The following MCIDAS variants were observed in gnomAD, a reference collection of about 807,000 sequenced individuals.
MCIDAS encodes the protein multicilin.
A neutral mutation model predicts 35.4 loss-of-function variants in MCIDAS; 23 were observed. That is an observed-to-expected ratio of 0.65 (90% confidence interval 0.47 to 0.92). The LOEUF is 0.92. MCIDAS is among the 40% of genes least tolerant of loss of function. The pLI is 0.00. For missense variants in MCIDAS, 480 were observed against 531.8 expected, an observed-to-expected ratio of 0.90 and a Z score of 0.96; for synonymous variants, 228 against 235.2, an observed-to-expected ratio of 0.97 and a Z score of 0.28.
In MCIDAS at chr5:55,220,661, G is replaced by C; in HGVS notation, c.863C>G (p.Ser288Cys). Residue 288 changes from serine to cysteine, a missense_variant, in exon 7 of 7, where the codon TCC becomes TGC. By Grantham distance (112) the Ser-to-Cys change is moderately radical. Transcript: ENST00000513312. ...AEVDAILREISERCDEALQSR... is the reference protein window; with the variant it reads ...AEVDAILREICERCDEALQSR... ...CTGAAGGGCTTCATCGCAGCGCTCG[G>C]AAATCTCCCTCAGGATGGCGTCCAC... The C allele has an allele frequency of 6.5e-7, 1 of 1,536,092 alleles. No individual in the cohort carries two copies.
At position 55,223,350 on chromosome 5, in the gene MCIDAS, C is replaced by T. The variant is rs375060701; in HGVS notation, c.310-327G>A. Among the ~76,000 whole-genome samples the T allele has an allele frequency of 6.6e-6, 1 of 152,206 alleles. No individual in the cohort carries two copies. Among genetic ancestry groups the T allele is most frequent in the African/African-American group, 2.4e-5 (1 of 41,538 alleles). On this transcript the variant is annotated intron_variant, in intron 3 of 6. Coordinates refer to ENST00000513312, the MANE Select transcript of MCIDAS (RefSeq NM_001190787.3). This position sits in a 1 kb window ranked among gnomAD's most constrained non-coding sequence, Gnocchi z 4.4. Reference sequence around the variant, plus strand: ...CTGCCACGGTGGGGAGCGGGACGCACGGAGCACGACACTGACTGGGGGAAG... The same window carrying T: ...CTGCCACGGTGGGGAGCGGGACGCATGGAGCACGACACTGACTGGGGGAAG...
In MCIDAS at chr5:55,223,229, G is replaced by C. The variant is rs573640659; in HGVS notation, c.310-206C>G. 3.1e-3 allele frequency among the ~76,000 whole-genome samples: 472 copies of C among 151,944 alleles called. 2 individuals carry two copies. The highest frequency in any genetic ancestry group is 0.011 in the African/African-American group (459 of 41,452). On this transcript the variant is annotated intron_variant, in intron 3 of 6. Transcript: ENST00000513312. This position sits in a 1 kb window ranked among gnomAD's most constrained non-coding sequence, Gnocchi z 4.4. ...TTCTAGACCAACAGACCTCCTCCCG[G>C]GCTCGGCGGCGGTCTGCTCGCACTT...
rs1303027234 is a variant in MCIDAS at position 55,227,038 on chromosome 5, G to A, written c.101C>T (p.Pro34Leu). The A allele has an allele frequency of 1.3e-6, 2 of 1,519,960 alleles. No individual in the cohort carries two copies. Among genetic ancestry groups the A allele is most frequent in the African/African-American group, 2.8e-5 (2 of 70,352 alleles). The allele number at this position is 1,519,960 out of a possible 1,614,324, so 94.2% of individuals were successfully genotyped here. ...CCCCACCTTCCTCTCCGGCTTCCCC[G>A]GCTTGCAGAGCAGCGCCCGGCCCGG... ...ALPGRALLCK[P>L]GKPERKFAPP... The change falls in exon 1 of 7, where the codon CCG becomes CTG. Residue 34 changes from proline (P) to leucine (L), a missense_variant. By Grantham distance (98) the Pro-to-Leu change is moderately conservative. Coordinates refer to ENST00000513312, the MANE Select transcript of MCIDAS (RefSeq NM_001190787.3).
intron 3 of MCIDAS, among the ~76,000 whole-genome samples, chr5:55,224,520 G>T (rs1056260422): frequency 1.5e-4 from 23 of 152,282 alleles, no homozygotes; most frequent in Admixed American, 1.0e-3. Context: ...GAAAGGAAGG[G>T]CTGAGGGCCC....
chr5:55,222,054 C>A, intron 5 of MCIDAS, 122 bp downstream of exon 5: 2 of 875,374 alleles, frequency 2.3e-6, no homozygotes, highest in East Asian at 5.6e-5. Context: ...GCTACGTGAA[C>A]CACCAGTCAG....
chr5:55,221,327 T>A (rs1432594193), intron 5 of MCIDAS, among the ~76,000 whole-genome samples: 1 of 152,114 alleles, frequency 6.6e-6, no homozygotes, highest in African/African-American at 2.4e-5. Flanking sequence ...TAATCCTCGG[T>A]GTAGCGTGCT....
At chr5:55,221,736 C>T (rs945341546) in intron 5 of MCIDAS, among the ~76,000 whole-genome samples, 2 of 152,056 alleles carry the variant, frequency 1.3e-5, no homozygotes, top group Admixed American at 6.5e-5. Flanking sequence ...ACCAGCCTGG[C>T]CAACATGGTG....
Position 55,227,286 on chromosome 5 carries a change from G to A in MCIDAS, c.-148C>T. 1 of 1,118,294 alleles carries A rather than the reference G, an allele frequency of 8.9e-7. No homozygotes were observed. The highest frequency in any genetic ancestry group is 1.2e-6 in the Non-Finnish European group (1 of 851,038). 69.3% of individuals were successfully genotyped at this position (1,118,294 alleles called of 1,614,324 possible). ...CGCGTGACCGAGAAGGAGCCGAGGG[G>A]CTGCCGAGGAGGTGCTGAGAGATGG... On this transcript the variant is annotated 5_prime_UTR_variant, in exon 1 of 7. Transcript: ENST00000513312.
chr5:55,226,168 CG>C (rs1745450403), intron 3 of MCIDAS, among the ~76,000 whole-genome samples: 1 of 152,084 alleles, frequency 6.6e-6, no homozygotes, highest in Admixed American at 6.5e-5. Flanking sequence ...TATATACCCA[CG>C]GAATGAAAAT....
Position 55,227,146 on chromosome 5 carries a change from C to T in MCIDAS, c.-8G>A. The T allele has an allele frequency of 1.4e-6, 2 of 1,435,392 alleles. No homozygotes were observed. The highest frequency in any genetic ancestry group is 1.8e-6 in the Non-Finnish European group (2 of 1,102,852). 88.9% of individuals were successfully genotyped at this position (1,435,392 alleles called of 1,614,324 possible). On this transcript the variant is annotated 5_prime_UTR_variant, in exon 1 of 7. Coordinates refer to ENST00000513312, the MANE Select transcript of MCIDAS (RefSeq NM_001190787.3). ...GCCCCCGCACGCCTGCATTGTGCCT[C>T]CTGCCTCCGGGTGCCGACTGCTCGG...
chr5:55,226,814 C>G, intron 2 of MCIDAS, 21 bp downstream of exon 2: 1 of 1,387,972 alleles, frequency 7.2e-7, no homozygotes, highest in Non-Finnish European at 9.3e-7. Context: ...CGAGGGGTAG[C>G]GTGGGTGCCA....
At chr5:55,225,240 C>T (rs1561116752) in intron 3 of MCIDAS, among the ~76,000 whole-genome samples, 1 of 152,098 alleles carries the variant, frequency 6.6e-6, no homozygotes, top group Non-Finnish European at 1.5e-5. Flanking sequence ...CAAAATGAAA[C>T]TTTGAATTCT....
At chr5:55,222,068 A>T in intron 5 of MCIDAS, 108 bp downstream of exon 5, 1 of 1,034,160 alleles carries the variant, frequency 9.7e-7, no homozygotes, top group Non-Finnish European at 1.4e-6. Flanking sequence ...CAGTCAGTCC[A>T]CTGGTTCCGA....
At position 55,226,915 on chromosome 5, in the gene MCIDAS, T is replaced by C; in HGVS notation, c.137A>G (p.Lys46Arg). The change falls in exon 2 of 7, where the codon AAG becomes AGG. Residue 46 changes from lysine (K) to arginine (R), a missense_variant. Transcript: ENST00000513312. Reference sequence around the variant, plus strand: ...CCCGCCTGTGCATCCGGGGAAGAACTTCCGCGGAGGAGCGAACTGGCCGGG... The same window carrying C: ...CCCGCCTGTGCATCCGGGGAAGAACCTCCGCGGAGGAGCGAACTGGCCGGG... Reference protein sequence around the residue: ...KPERKFAPPRKFFPGCTGGSP... With the variant: ...KPERKFAPPRRFFPGCTGGSP... 1 of 1,427,576 alleles carries C rather than the reference T, an allele frequency of 7.0e-7. No individual in the cohort carries two copies. 88.4% of individuals were successfully genotyped at this position (1,427,576 alleles called of 1,614,324 possible).
In MCIDAS at chr5:55,223,827, A is replaced by T. The variant is rs1252223707; in HGVS notation, c.310-804T>A. 6.6e-6 allele frequency among the ~76,000 whole-genome samples: 1 copy of T among 152,052 alleles called. No individual in the cohort carries two copies. The highest frequency in any genetic ancestry group is 1.5e-5 in the Non-Finnish European group (1 of 68,002). Reference sequence around the variant, plus strand: ...CCTCCATTGCTCTTTCAGTTTCCCAAAAAGTTGGGAGTACTCTTTTCTCGT... The same window carrying T: ...CCTCCATTGCTCTTTCAGTTTCCCATAAAGTTGGGAGTACTCTTTTCTCGT... On this transcript the variant is annotated intron_variant, in intron 3 of 6. Transcript: ENST00000513312. The surrounding 1 kb of genome is among the most constrained non-coding windows in gnomAD (Gnocchi z 4.4).
At position 55,223,067 on chromosome 5, in the gene MCIDAS, T is replaced by G. The variant is rs1313586133; in HGVS notation, c.310-44A>C. 8.8e-6 allele frequency: 13 copies of G among 1,472,482 alleles called. No individual in the cohort carries two copies. The highest frequency in any genetic ancestry group is 1.2e-5 in the Non-Finnish European group (13 of 1,089,734). The allele number at this position is 1,472,482 out of a possible 1,614,324, so 91.2% of individuals were successfully genotyped here. On this transcript the variant is annotated intron_variant, in intron 3 of 6. Coordinates refer to ENST00000513312, the MANE Select transcript of MCIDAS (RefSeq NM_001190787.3). The surrounding 1 kb of genome is among the most constrained non-coding windows in gnomAD (Gnocchi z 4.4). The stretch of plus-strand genomic sequence containing the variant: ...GTACACTGGTTAACGAGTCTGGCGT[T>G]AGAAAGCCTTCAATAAATATTGGCG...
In MCIDAS at chr5:55,220,026, T is replaced by G. The variant is rs895315753; in HGVS notation, c.*340A>C. The G allele has an allele frequency of 1.5e-5, 3 of 199,044 alleles. No homozygotes were observed. Among genetic ancestry groups the G allele is most frequent in the African/African-American group, 7.0e-5 (3 of 42,672 alleles). The allele number at this position is 199,044 out of a possible 1,614,324, so 12.3% of individuals were successfully genotyped here. On this transcript the variant is annotated 3_prime_UTR_variant, in exon 7 of 7. Coordinates refer to ENST00000513312, the MANE Select transcript of MCIDAS (RefSeq NM_001190787.3). The stretch of plus-strand genomic sequence containing the variant: ...TTAATCTCTTAGAGCCTTCTTTTCC[T>G]TCTTATAATATTAGAGCATTACATA...
Position 55,227,194 on chromosome 5 carries a change from A to T in MCIDAS, c.-56T>A. 1 of 1,399,010 alleles carries T rather than the reference A, an allele frequency of 7.1e-7. No individual in the cohort carries two copies. Among genetic ancestry groups the T allele is most frequent in the Non-Finnish European group, 9.2e-7 (1 of 1,085,536 alleles). 86.7% of individuals were successfully genotyped at this position (1,399,010 alleles called of 1,614,324 possible). On this transcript the variant is annotated 5_prime_UTR_variant, in exon 1 of 7. Transcript: ENST00000513312. ...CGGAGGCGGCGGCCCGGGCTGGGGCAGCGATCCACACCCTGCACTCCCTTC... is the reference window on the plus strand; with the variant it reads ...CGGAGGCGGCGGCCCGGGCTGGGGCTGCGATCCACACCCTGCACTCCCTTC...
chr5:55,226,936 C>G lies in MCIDAS; in HGVS notation c.121-5G>C. 1 of 1,458,862 alleles carries G rather than the reference C, an allele frequency of 6.9e-7. No homozygotes were observed. Among genetic ancestry groups the G allele is most frequent in the Non-Finnish European group, 9.0e-7 (1 of 1,113,524 alleles). 90.4% of individuals were successfully genotyped at this position (1,458,862 alleles called of 1,614,324 possible). A position where few individuals can be genotyped will look rare whatever the true frequency, so the allele number is the denominator to read the frequency against. ...GAACTTCCGCGGAGGAGCGAACTGG[C>G]CGGGCACACAAACGTTGAACGCGGG... On this transcript the variant is annotated splice_polypyrimidine_tract_variant and splice_region_variant and intron_variant, in intron 1 of 6. Transcript: ENST00000513312.
Sources: gnomAD v4.1 joint callset for allele counts (sites outside exome capture counted in the v4.1 genomes callset) on GRCh38, gnomAD v4.1.1 for gene constraint, Gnocchi (gnomAD v3.1) non-coding constraint, MANE v1.5 for transcripts, NCBI Gene and HGNC (gene_info 2026-07-23, HGNC 2026-07-21) for gene names.